The following TOP3B variants were observed in gnomAD, a reference collection of about 807,000 sequenced individuals.
TOP3B encodes DNA topoisomerase III beta, also known as DNA topoisomerase 3-beta-1.
A neutral mutation model predicts 93.9 loss-of-function variants in TOP3B; 45 were observed. The ratio of observed to expected loss-of-function variants is 0.48; its 90% CI spans 0.38 to 0.61. The LOEUF is 0.61. Among genes scored for constraint, TOP3B ranks in the 20% least tolerant of loss-of-function variants. The probability of loss-of-function intolerance (pLI) is 0.00; values close to 1 mark genes in which losing one functional copy is unlikely to be tolerated. For missense variants in TOP3B, 750 were observed against 1,156.1 expected (o/e 0.65, Z 5.09); for synonymous variants, 357 against 472.6 (o/e 0.76, Z 3.17).
chr22:21,981,613 ATGG>A (rs2084633035), intron 1 of TOP3B, among the ~76,000 whole-genome samples: 1 of 152,156 alleles, frequency 6.6e-6, no homozygotes, highest in Non-Finnish European at 1.5e-5. Flanking sequence ...CCTGGCCAAC[ATGG>A]TGAAGCCTGG....
rs898281324 is a variant in TOP3B, at chr22:21,968,517, T to C, written c.738+102A>G. On this transcript the variant is annotated intron_variant, in intron 7 of 17. Coordinates refer to ENST00000357179, the MANE Select transcript of TOP3B (RefSeq NM_001282112.2). The stretch of plus-strand genomic sequence containing the variant: ...TTCCAGGTACAGCCGTCCACACTTC[T>C]GCCCTCAGCCCGGGGCCTGCCGGCT... The C allele has an allele frequency of 3.4e-6, 5 of 1,473,786 alleles. No individual in the cohort carries two copies. In the African/African-American group the frequency reaches 5.6e-5, roughly 16 times the overall value. 91.3% of individuals were successfully genotyped at this position (1,473,786 alleles called of 1,614,324 possible). A position where few individuals can be genotyped will look rare whatever the true frequency, so the allele number is the denominator to read the frequency against.
At chr22:21,972,983 G>C in intron 3 of TOP3B, 3 of 470,986 alleles carry the variant, frequency 6.4e-6, no homozygotes, top group South Asian at 2.1e-5. Context: ...GCAAGCTCTC[G>C]GGGGGCTGCC....
At chr22:21,958,877 CTG>C in intron 16 of TOP3B, 184 bp from the exon 17 acceptor site, 1 of 1,141,554 alleles carries the variant, frequency 8.8e-7, no homozygotes, top group Non-Finnish European at 1.2e-6. Flanking sequence ...TCTAAAATCT[CTG>C]TGTGTACATT....
In TOP3B at chr22:21,970,504, G is replaced by A. The variant is rs1461295335; in HGVS notation, c.385-98C>T. The stretch of plus-strand genomic sequence containing the variant: ...CCTGGTTCCTTCCAGGAAAGAACAC[G>A]TGTGCTCGGCTCCCTCTCCTGCCCC... On this transcript the variant is annotated intron_variant, in intron 5 of 17. Coordinates refer to ENST00000357179, the MANE Select transcript of TOP3B (RefSeq NM_001282112.2). The surrounding 1 kb of genome is among the most constrained non-coding windows in gnomAD (Gnocchi z 4.4). 2.3e-6 allele frequency: 3 copies of A among 1,321,042 alleles called. No homozygotes were observed. Among genetic ancestry groups the A allele is most frequent in the Non-Finnish European group, 3.1e-6 (3 of 958,402 alleles). The allele number at this position is 1,321,042 out of a possible 1,614,324, so 81.8% of individuals were successfully genotyped here.
chr22:21,973,478 G>T (rs1335225271), intron 3 of TOP3B: 1 of 149,790 alleles, frequency 6.7e-6, no homozygotes, highest in African/African-American at 2.5e-5. Context: ...AGAGACAGGG[G>T]TCTCACTATG....
rs2071508626 is a variant in TOP3B, at chr22:21,968,637, G to A, written c.720C>T (p.Tyr240=). Residue 240 remains tyrosine, a synonymous_variant, in exon 7 of 18, where the codon TAC becomes TAT. Coordinates refer to ENST00000357179, the MANE Select transcript of TOP3B (RefSeq NM_001282112.2). ...AAGGAACCTTGGCCTGCAGCACCCA[G>A]TAGGTCTCTGGTTTGAAGGACTGGA... ...DKIQSFKPET[Y]WVLQAKVNTD... 4 of 1,614,166 alleles carry A rather than the reference G, an allele frequency of 2.5e-6. No homozygotes were observed. In the East Asian group the frequency reaches 8.9e-5, roughly 36 times the overall value.
chr22:21,972,215 G>T, intron 4 of TOP3B: 1 of 494,396 alleles, frequency 2.0e-6, no homozygotes, highest in Non-Finnish European at 3.6e-6. Flanking sequence ...CCCAGAAGAA[G>T]GGTTAAAATG....
chr22:21,968,890 G>T, intron 6 of TOP3B, 115 bp from the exon 7 acceptor site: 1 of 1,192,500 alleles, frequency 8.4e-7, no homozygotes, highest in Non-Finnish European at 1.2e-6. Flanking sequence ...GGCATCAGGT[G>T]GTGTCCCCAC....
chr22:21,973,010 C>T (rs542103653), intron 3 of TOP3B: 22 of 423,298 alleles, frequency 5.2e-5, no homozygotes, highest in East Asian at 1.7e-4. Context: ...GCCTCACTTC[C>T]GGGACTTTCC....
At chr22:21,972,144 T>G in intron 4 of TOP3B, 193 bp from the exon 5 acceptor site, 1 of 550,182 alleles carries the variant, frequency 1.8e-6, no homozygotes, top group Non-Finnish European at 3.2e-6. Flanking sequence ...AGTTTATAAT[T>G]GATGTTTTTT....
chr22:21,965,511 A>G (rs1395508992), intron 8 of TOP3B, 136 bp from the exon 9 acceptor site: 3 of 461,904 alleles, frequency 6.5e-6, no homozygotes, highest in Non-Finnish European at 1.2e-5. Context: ...CCAACAGTCT[A>G]AAGACTTGAT....
In TOP3B at chr22:21,963,818, G is replaced by C; in HGVS notation, c.1204+105C>G. Reference sequence around the variant, plus strand: ...CCCATCCCCACAGCCAGGGCAGGCAGAGGCTGAAGGAGCCCCCACATTGCC... The same window carrying C: ...CCCATCCCCACAGCCAGGGCAGGCACAGGCTGAAGGAGCCCCCACATTGCC... On this transcript the variant is annotated intron_variant, in intron 11 of 17. Transcript: ENST00000357179. The surrounding 1 kb of genome is among the most constrained non-coding windows in gnomAD (Gnocchi z 4.8). 8.4e-7 allele frequency: 1 copy of C among 1,194,996 alleles called. No individual in the cohort carries two copies. The highest frequency in any genetic ancestry group is 1.3e-5 in the South Asian group (1 of 74,898). 74.0% of individuals were successfully genotyped at this position (1,194,996 alleles called of 1,614,324 possible). A position where few individuals can be genotyped will look rare whatever the true frequency, so the allele number is the denominator to read the frequency against.
intron 14 of TOP3B, 132 bp from the exon 15 acceptor site, chr22:21,959,868 A>C: frequency 8.2e-7 from 1 of 1,221,034 alleles, no homozygotes; most frequent in Non-Finnish European, 1.1e-6. Flanking sequence ...TGCCCTACCC[A>C]CCAGTCCACA....
intron 8 of TOP3B, 126 bp downstream of exon 8, chr22:21,967,477 T>C (rs2071458324): frequency 2.7e-6 from 2 of 736,448 alleles, no homozygotes; most frequent in African/African-American, 3.5e-5. Flanking sequence ...TCCAAAAAGA[T>C]GTCTGTGTTT....
rs1238260507 is a variant in TOP3B at position 21,964,312 on chromosome 22, A to G, written c.947T>C (p.Met316Thr). 3.7e-6 allele frequency: 6 copies of G among 1,613,390 alleles called. No homozygotes were observed. The highest frequency in any genetic ancestry group is 2.2e-5 in the East Asian group (1 of 44,884). Reference protein sequence around the residue: ...MLRVASSSLGMGPQHAMQTAE... With the variant: ...MLRVASSSLGTGPQHAMQTAE... ...CGTCTGCATGGCGTGCTGCGGCCCC[A>G]TGCCTGCGAGAGACAGGAGGTTCTC... is the stretch of plus-strand genomic sequence containing the variant. Residue 316 changes from methionine (M) to threonine (T), a missense_variant, in exon 10 of 18, where the codon ATG (methionine) becomes ACG (threonine). Physicochemically the swap from Met to Thr is moderately conservative, Grantham distance 81. Coordinates refer to ENST00000357179, the MANE Select transcript of TOP3B (RefSeq NM_001282112.2).
chr22:21,959,940 A>T (rs2071094082), intron 14 of TOP3B: 1 of 715,202 alleles, frequency 1.4e-6, no homozygotes, highest in Non-Finnish European at 2.2e-6. Flanking sequence ...CCCACCTGGA[A>T]ATGTCAGGCA....
chr22:21,964,497 T>A (rs1160030184), intron 9 of TOP3B, 182 bp from the exon 10 acceptor site: 1 of 662,036 alleles, frequency 1.5e-6, no homozygotes, highest in Non-Finnish European at 2.6e-6. Context: ...CCACACAGTC[T>A]TGTATGAGGC....
At chr22:21,958,258 C>CCT (rs2071009708) in intron 17 of TOP3B, 1 of 1,383,630 alleles carries the variant, frequency 7.2e-7, no homozygotes, top group Admixed American at 2.9e-5. Context: ...GTGCCCAGGT[C>CCT]CTGAGGGTGG....
chr22:21,968,319 T>G, intron 7 of TOP3B: 1 of 390,034 alleles, frequency 2.6e-6, no homozygotes, highest in Non-Finnish European at 4.6e-6. Flanking sequence ...ATGGTCTCAG[T>G]CCAGTGCTTG....
Sources: gnomAD v4.1 joint callset for allele counts (sites outside exome capture counted in the v4.1 genomes callset) on GRCh38, gnomAD v4.1.1 for gene constraint, Gnocchi (gnomAD v3.1) non-coding constraint, MANE v1.5 for transcripts, NCBI Gene and HGNC (gene_info 2026-07-23, HGNC 2026-07-21) for gene names.